The following KCNH7 variants were observed in gnomAD, a reference collection of about 807,000 sequenced individuals.
KCNH7 encodes potassium voltage-gated channel subfamily H member 7.
A neutral mutation model predicts 120.8 loss-of-function variants in KCNH7; 49 were observed. The observed-to-expected ratio is 0.41, with a 90% confidence interval of 0.32 to 0.51. The LOEUF (loss-of-function observed/expected upper bound fraction) is 0.51, where lower values mean the gene tolerates loss of function less well. KCNH7 is among the 20% of genes least tolerant of loss of function. The pLI is 0.38. For synonymous variants in KCNH7, 547 were observed against 516.1 expected (o/e 1.06, Z -0.81); for missense variants, 1,097 against 1,446.6 (o/e 0.76, Z 3.92).
chr2:162,775,906 C>T (rs1030285529), intron 2 of KCNH7, among the ~76,000 whole-genome samples: 4 of 152,166 alleles, frequency 2.6e-5, no homozygotes, highest in African/African-American at 9.6e-5. Context: ...TGGCTCTGCT[C>T]TTTACTAGCT....
chr2:162,730,491 T>C (rs760940098), intron 2 of KCNH7, among the ~76,000 whole-genome samples: 2 of 151,932 alleles, frequency 1.3e-5, no homozygotes, highest in Non-Finnish European at 2.9e-5. Flanking sequence ...AATACTATTA[T>C]AAATTTCTAT....
chr2:162,537,833 C>G (rs1219306136), intron 2 of KCNH7, among the ~76,000 whole-genome samples: 1 of 152,062 alleles, frequency 6.6e-6, no homozygotes, highest in East Asian at 1.9e-4. Flanking sequence ...CAATCAACCA[C>G]TACCATCCGT....
chr2:162,546,330 G>T (rs1224151530), intron 2 of KCNH7, among the ~76,000 whole-genome samples: 1 of 152,078 alleles, frequency 6.6e-6, no homozygotes, highest in Admixed American at 6.6e-5. Flanking sequence ...TAATGCCCAA[G>T]CAAATATTTA....
intron 6 of KCNH7, among the ~76,000 whole-genome samples, chr2:162,480,154 A>T (rs1376368271): frequency 4.6e-5 from 7 of 151,732 alleles, no homozygotes; most frequent in African/African-American, 7.3e-5. Flanking sequence ...TTTTTTTTTT[A>T]AATTTAAGCC....
At chr2:162,442,770 C>G (rs1434764976) in intron 7 of KCNH7, among the ~76,000 whole-genome samples, 1 of 152,052 alleles carries the variant, frequency 6.6e-6, no homozygotes, top group Non-Finnish European at 1.5e-5. Context: ...GGCAGAGGAT[C>G]ACTTGAGCCC....
At chr2:162,636,751 C>T (rs1683975819) in intron 2 of KCNH7, among the ~76,000 whole-genome samples, 1 of 152,192 alleles carries the variant, frequency 6.6e-6, no homozygotes, top group South Asian at 2.1e-4. Context: ...CAGGATTAAC[C>T]TATAAATCCC....
chr2:162,578,499 C>G (rs926586999), intron 2 of KCNH7, among the ~76,000 whole-genome samples: 1 of 151,990 alleles, frequency 6.6e-6, no homozygotes, highest in East Asian at 2.0e-4. Flanking sequence ...GCTTTGGGCT[C>G]ACTGTTCTAT....
At chr2:162,635,539 T>C (rs1276488535) in intron 2 of KCNH7, among the ~76,000 whole-genome samples, 2 of 152,018 alleles carry the variant, frequency 1.3e-5, no homozygotes, top group Non-Finnish European at 2.9e-5. Flanking sequence ...CAAATCTCAG[T>C]GCTGATTTTA....
At chr2:162,592,205 C>T (rs1284227786) in intron 2 of KCNH7, among the ~76,000 whole-genome samples, 1 of 152,072 alleles carries the variant, frequency 6.6e-6, no homozygotes, top group Non-Finnish European at 1.5e-5. Flanking sequence ...GTTTCCTGAT[C>T]TATTCCTAGT....
intron 2 of KCNH7, among the ~76,000 whole-genome samples, chr2:162,560,448 A>G (rs530477475): frequency 6.6e-6 from 1 of 152,292 alleles, no homozygotes; most frequent in South Asian, 2.1e-4. Flanking sequence ...GGAAGAGCCC[A>G]CTTAGCTAGG....
At position 162,446,198 on chromosome 2, in the gene KCNH7, C is replaced by A; in HGVS notation, c.1374G>T (p.Val458=). The A allele has an allele frequency of 6.2e-7, 1 of 1,613,608 alleles. No individual in the cohort carries two copies. The highest frequency in any genetic ancestry group is 1.1e-5 in the South Asian group (1 of 91,058). Reference sequence around the variant, plus strand: ...AAATATCTATGATAAACATAATATCCACAATCAAGTCTACCACATTCAAAG... The same window carrying A: ...AAATATCTATGATAAACATAATATCAACAATCAAGTCTACCACATTCAAAG... The part of the protein sequence containing the change: ...CSPLNVVDLI[V]DIMFIIDILI... The change falls in exon 7 of 16, where the codon GTG becomes GTT. Residue 458 remains valine, a synonymous_variant. Transcript: ENST00000332142.
intron 2 of KCNH7, among the ~76,000 whole-genome samples, chr2:162,552,628 TA>T (rs1250334152): frequency 2.6e-5 from 4 of 152,204 alleles, no homozygotes. Context: ...CAGGTGTGCT[TA>T]CTAGAATCAC....
chr2:162,543,074 G>A (rs1692366279), intron 2 of KCNH7, among the ~76,000 whole-genome samples: 1 of 151,998 alleles, frequency 6.6e-6, no homozygotes, highest in African/African-American at 2.4e-5. Context: ...TAGAATACTT[G>A]CCCGTTTCTC....
At chr2:162,445,941 C>T (rs1688561234) in intron 7 of KCNH7, 77 bp downstream of exon 7, 1 of 1,155,584 alleles carries the variant, frequency 8.7e-7, no homozygotes, top group South Asian at 1.6e-5. Context: ...CAAAGCAACT[C>T]TTCTTTTTGC....
intron 3 of KCNH7, among the ~76,000 whole-genome samples, chr2:162,526,120 C>T (rs747247735): frequency 1.3e-4 from 19 of 151,874 alleles, no homozygotes; most frequent in Middle Eastern, 3.4e-3. Context: ...TGGCAGGTTC[C>T]GTGATGCCCC....
intron 12 of KCNH7, among the ~76,000 whole-genome samples, chr2:162,390,238 C>A (rs1417850362): frequency 6.7e-6 from 1 of 150,106 alleles, no homozygotes; most frequent in Admixed American, 6.7e-5. Context: ...AGTGTATAAT[C>A]GCATTATATA....
chr2:162,470,355 C>T (rs1488452796), intron 6 of KCNH7, among the ~76,000 whole-genome samples: 7 of 151,492 alleles, frequency 4.6e-5, no homozygotes, highest in Admixed American at 1.3e-4. Context: ...TCTGCCCGGC[C>T]GCGACCCTGT....
chr2:162,785,746 T>C lies in KCNH7; in HGVS notation c.307+50791A>G, dbSNP rs1683677249. 3.3e-5 allele frequency among the ~76,000 whole-genome samples: 5 copies of C among 152,288 alleles called. No homozygotes were observed. In the South Asian group the frequency reaches 1.0e-3, roughly 32 times the overall value. On this transcript the variant is annotated intron_variant, in intron 2 of 15. Transcript: ENST00000332142. ...GCAGTTGGGGTGCATTTTTGTTTTG[T>C]TTTTGTTGTTGTTGCTTGTTGGCTG...
intron 2 of KCNH7, among the ~76,000 whole-genome samples, chr2:162,733,801 T>C (rs1251837090): frequency 1.3e-5 from 2 of 152,142 alleles, no homozygotes; most frequent in African/African-American, 4.8e-5. Context: ...GAAAGGGAAG[T>C]GAATAGAACA....
Sources: allele counts gnomAD v4.1 joint callset (sites outside exome capture counted in the v4.1 genomes callset), GRCh38; gene constraint gnomAD v4.1.1; transcripts MANE v1.5; gene names NCBI Gene and HGNC (gene_info 2026-07-23, HGNC 2026-07-21).